Variants in GPR158 observed in about 807,000 individuals in gnomAD.
The protein encoded by GPR158 is G protein-coupled receptor 158, also known as metabotropic glycine receptor.
In GPR158, 30 loss-of-function variants were observed where a neutral mutation model predicts 78.2. The observed-to-expected ratio is 0.38, with a 90% CI of 0.29 to 0.52. The LOEUF (loss-of-function observed/expected upper bound fraction) is 0.52, where lower values mean the gene tolerates loss of function less well. Ranked by LOEUF, GPR158 falls within the 20% of genes least tolerant of loss-of-function variation. The pLI, the probability that GPR158 is intolerant of heterozygous loss-of-function variation, is 0.83. For missense variants in GPR158, 1,463 were observed against 1,523.5 expected (o/e 0.96, Z 0.66); for synonymous variants, 581 against 591.1 (o/e 0.98, Z 0.25).
intron 4 of GPR158, among the ~76,000 whole-genome samples, chr10:25,442,304 A>G (rs1189630294): frequency 2.6e-5 from 4 of 152,236 alleles, no homozygotes; most frequent in Non-Finnish European, 5.9e-5. Flanking sequence ...ATAAACCAAC[A>G]TCGCAGAAAG....
intron 2 of GPR158, among the ~76,000 whole-genome samples, chr10:25,357,146 G>A (rs1435598279): frequency 1.3e-5 from 2 of 152,186 alleles, no homozygotes; most frequent in East Asian, 3.9e-4. Flanking sequence ...AGATGATTTA[G>A]GGTATCTGGC....
chr10:25,301,038 T>C (rs1854585775), intron 2 of GPR158, among the ~76,000 whole-genome samples: 1 of 152,228 alleles, frequency 6.6e-6, no homozygotes, highest in Non-Finnish European at 1.5e-5. Flanking sequence ...AGCTATTCTT[T>C]CCTCAAGTTT....
At chr10:25,280,899 G>C (rs1854259833) in intron 2 of GPR158, among the ~76,000 whole-genome samples, 1 of 152,108 alleles carries the variant, frequency 6.6e-6, no homozygotes, top group Non-Finnish European at 1.5e-5. Flanking sequence ...ACTTTGGGAG[G>C]CTGAAGGGGT....
intron 4 of GPR158, among the ~76,000 whole-genome samples, chr10:25,436,182 T>C (rs940765198): frequency 6.6e-6 from 1 of 152,208 alleles, no homozygotes; most frequent in Non-Finnish European, 1.5e-5. Flanking sequence ...ATAGCATAAG[T>C]GTGTGCCCGG....
At chr10:25,513,880 G>C (rs1836122919) in intron 5 of GPR158, among the ~76,000 whole-genome samples, 1 of 152,110 alleles carries the variant, frequency 6.6e-6, no homozygotes, top group African/African-American at 2.4e-5. Flanking sequence ...TGGTCAGAGA[G>C]AGTACTTGAT....
chr10:25,384,947 AT>A (rs1285931262), intron 2 of GPR158, among the ~76,000 whole-genome samples: 1 of 152,172 alleles, frequency 6.6e-6, no homozygotes, highest in African/African-American at 2.4e-5. Flanking sequence ...GCTCTAAAAT[AT>A]TTTTTTAAAA....
rs1194928860 is a variant in GPR158, at chr10:25,365,310, G to A, written c.1009-30601G>A. On this transcript the variant is annotated intron_variant, in intron 2 of 10. Transcript: ENST00000376351. Reference sequence around the variant, plus strand: ...TTTCTCCCCATAATAAAAGCTCAGTGTCATTTGGGAATACAGCATTTAGTT... The same window carrying A: ...TTTCTCCCCATAATAAAAGCTCAGTATCATTTGGGAATACAGCATTTAGTT... Among the ~76,000 whole-genome samples, 4 of 150,946 alleles carry A rather than the reference G, an allele frequency of 2.6e-5. No individual in the cohort carries two copies. The Admixed American group carries it at 2.7e-4, about 10-fold the overall frequency.
At chr10:25,582,569 C>A (rs970167259) in intron 7 of GPR158, among the ~76,000 whole-genome samples, 6 of 152,162 alleles carry the variant, frequency 3.9e-5, no homozygotes, top group Non-Finnish European at 8.8e-5. Flanking sequence ...CCCCCAGCTC[C>A]TAGGGAGTGG....
At chr10:25,194,811 G>T (rs1852823055) in intron 1 of GPR158, among the ~76,000 whole-genome samples, 1 of 151,612 alleles carries the variant, frequency 6.6e-6, no homozygotes, top group African/African-American at 2.4e-5. Flanking sequence ...TTTTTCTGTT[G>T]GTTATTTTGA....
chr10:25,428,210 A>G (rs1431354628), intron 4 of GPR158, among the ~76,000 whole-genome samples: 1 of 152,072 alleles, frequency 6.6e-6, no homozygotes, highest in Non-Finnish European at 1.5e-5. Flanking sequence ...CAGTACTACT[A>G]TTGCTTATAT....
In GPR158 at chr10:25,315,014, A is replaced by G. The variant is rs961369373; in HGVS notation, c.1009-80897A>G. The stretch of plus-strand genomic sequence containing the variant: ...TGTCAGTACTGTTTTTAATACCTCT[A>G]TTTTATAAAACTTATGCTTTTATTG... On this transcript the variant is annotated intron_variant, in intron 2 of 10. Coordinates refer to ENST00000376351, the MANE Select transcript of GPR158 (RefSeq NM_020752.3). Among the ~76,000 whole-genome samples, 6 of 151,342 alleles carry G rather than the reference A, an allele frequency of 4.0e-5. No individual in the cohort carries two copies. The South Asian group carries it at 1.0e-3, about 26-fold the overall frequency.
intron 6 of GPR158, among the ~76,000 whole-genome samples, chr10:25,555,858 A>G (rs1564488769): frequency 6.6e-6 from 1 of 152,094 alleles, no homozygotes; most frequent in Non-Finnish European, 1.5e-5. Flanking sequence ...TGCATTATTC[A>G]GTACTCTTTG....
intron 2 of GPR158, among the ~76,000 whole-genome samples, chr10:25,261,676 T>C (rs1283293993): frequency 6.6e-6 from 1 of 152,012 alleles, no homozygotes; most frequent in Non-Finnish European, 1.5e-5. Context: ...CACGGCGGAG[T>C]CAGTTGTCTT....
intron 1 of GPR158, among the ~76,000 whole-genome samples, chr10:25,182,459 T>C (rs1852623823): frequency 6.6e-6 from 1 of 152,192 alleles, no homozygotes. Flanking sequence ...TTACATGTTG[T>C]GGTGTAGCAA....
At chr10:25,515,167 T>C (rs550482426) in intron 5 of GPR158, among the ~76,000 whole-genome samples, 1 of 151,888 alleles carries the variant, frequency 6.6e-6, no homozygotes, top group South Asian at 2.1e-4. Context: ...TTTAACATAA[T>C]CCCAAACTTC....
intron 5 of GPR158, among the ~76,000 whole-genome samples, chr10:25,527,823 C>T (rs1226557715): frequency 6.6e-6 from 1 of 151,958 alleles, no homozygotes; most frequent in Non-Finnish European, 1.5e-5. Flanking sequence ...AAATGGAATA[C>T]ACAAATTACC....
chr10:25,560,959 T>TG (rs948929850), intron 6 of GPR158, among the ~76,000 whole-genome samples: 21 of 150,588 alleles, frequency 1.4e-4, no homozygotes, highest in Admixed American at 3.3e-4. Context: ...TTAATGTGTG[T>TG]TTTTTTTTAA....
At chr10:25,408,806 G>C (rs1026060766) in intron 3 of GPR158, among the ~76,000 whole-genome samples, 1 of 152,142 alleles carries the variant, frequency 6.6e-6, no homozygotes. Flanking sequence ...ACCATGTCCT[G>C]AAGGTTTTGA....
chr10:25,270,441 GAAGTATA>G (rs1160647843), intron 2 of GPR158, among the ~76,000 whole-genome samples: 4 of 152,138 alleles, frequency 2.6e-5, no homozygotes, highest in Non-Finnish European at 5.9e-5. Context: ...AGGCATGCTT[GAAGTATA>G]AGAGAAGGAG....
Sources: gnomAD v4.1 joint callset for allele counts (sites outside exome capture counted in the v4.1 genomes callset) on GRCh38, gnomAD v4.1.1 for gene constraint, MANE v1.5 for transcripts, NCBI Gene and HGNC (gene_info 2026-07-23, HGNC 2026-07-21) for gene names.